The following SCP2 variants were observed in gnomAD, a reference collection of about 807,000 sequenced individuals.
SCP2 encodes the protein sterol carrier protein 2.
Under a neutral mutation model 71.4 loss-of-function variants are expected in SCP2, and 48 were observed. That is an observed-to-expected ratio of 0.67 (90% CI 0.53 to 0.86). The LOEUF (loss-of-function observed/expected upper bound fraction) is 0.86. SCP2 is among the 40% of genes least tolerant of loss of function. The probability of loss-of-function intolerance (pLI) is 0.00; values close to 1 mark genes in which losing one functional copy is unlikely to be tolerated. For synonymous variants in SCP2, 220 were observed against 218.1 expected (o/e 1.01, Z -0.08); for missense variants, 560 against 655.6 (o/e 0.85, Z 1.59).
chr1:53,016,636 A>G (rs1444235036), intron 12 of SCP2, among the ~76,000 whole-genome samples: 1 of 150,322 alleles, frequency 6.7e-6, no homozygotes, highest in African/African-American at 2.5e-5. Flanking sequence ...AAGTCTGTAC[A>G]ATAGGTATAG....
intron 14 of SCP2, 33 bp downstream of exon 14, chr1:53,039,079 C>A (rs1436256255): frequency 6.2e-7 from 1 of 1,613,610 alleles, no homozygotes; most frequent in East Asian, 2.2e-5. Context: ...TCTAGGAGCA[C>A]TGACGAGTTT....
chr1:53,038,809 T>C, intron 13 of SCP2, 108 bp from the exon 14 acceptor site: 1 of 1,422,952 alleles, frequency 7.0e-7, no homozygotes, highest in South Asian at 1.2e-5. Flanking sequence ...TGGGGACCGC[T>C]CCCTGGCCCG....
chr1:53,048,253 T>G, intron 15 of SCP2: 3 of 366,706 alleles, frequency 8.2e-6, no homozygotes, highest in Non-Finnish European at 1.6e-5. Context: ...GCCATATCTC[T>G]CTGGGCCATC....
At chr1:52,934,154 C>A (rs188965384) in intron 1 of SCP2, among the ~76,000 whole-genome samples, 1 of 152,152 alleles carries the variant, frequency 6.6e-6, no homozygotes, top group South Asian at 2.1e-4. Flanking sequence ...TTAATTCATA[C>A]TTGAGTATTT....
intron 1 of SCP2, among the ~76,000 whole-genome samples, chr1:52,935,677 C>A (rs1035707907): frequency 1.4e-4 from 22 of 151,910 alleles, no homozygotes; most frequent in African/African-American, 5.3e-4. Context: ...GTGGCTCATG[C>A]CTGTAATCCC....
rs1428740315 is a variant in SCP2, at chr1:53,051,568, T to C, written c.*864T>C. The C allele has an allele frequency of 6.6e-6, 1 of 152,244 alleles. No homozygotes were observed. Among genetic ancestry groups the C allele is most frequent in the Non-Finnish European group, 1.5e-5 (1 of 68,040 alleles). The allele number at this position is 152,244 out of a possible 1,614,324, so 9.4% of individuals were successfully genotyped here. On this transcript the variant is annotated 3_prime_UTR_variant, in exon 16 of 16. Coordinates refer to ENST00000371514, the MANE Select transcript of SCP2 (RefSeq NM_002979.5). Reference sequence around the variant, plus strand: ...TGAGATATAGGATAAAATAATGCTTTGAGAAGAATGTTTAATAGAAAATTA... The same window carrying C: ...TGAGATATAGGATAAAATAATGCTTCGAGAAGAATGTTTAATAGAAAATTA...
chr1:52,996,529 A>G (rs188498635), intron 11 of SCP2, among the ~76,000 whole-genome samples: 2 of 152,212 alleles, frequency 1.3e-5, no homozygotes, highest in East Asian at 1.9e-4. Context: ...TCTATTTTCC[A>G]TTTCTCAGCT....
At chr1:53,006,279 C>T (rs570564746) in intron 11 of SCP2, among the ~76,000 whole-genome samples, 44 of 152,030 alleles carry the variant, frequency 2.9e-4, no homozygotes, top group African/African-American at 6.8e-4. Flanking sequence ...ATACATAGAA[C>T]GCCACAAAGA....
At chr1:52,939,736 T>C (rs987606608) in intron 1 of SCP2, among the ~76,000 whole-genome samples, 3 of 152,214 alleles carry the variant, frequency 2.0e-5, no homozygotes, top group African/African-American at 7.2e-5. Context: ...TGGAGTGCAA[T>C]GGCACAATCT....
chr1:52,933,287 G>A (rs954932898), intron 1 of SCP2, among the ~76,000 whole-genome samples: 5 of 152,118 alleles, frequency 3.3e-5, no homozygotes, highest in Non-Finnish European at 5.9e-5. Context: ...AGTAATTGCA[G>A]TTGATTAAAA....
At chr1:53,005,972 T>C (rs1273180273) in intron 11 of SCP2, among the ~76,000 whole-genome samples, 1 of 152,034 alleles carries the variant, frequency 6.6e-6, no homozygotes, top group East Asian at 1.9e-4. Flanking sequence ...ACAAGAACTA[T>C]GTGACACATG....
intron 14 of SCP2, among the ~76,000 whole-genome samples, chr1:53,041,866 G>C (rs1663462759): frequency 6.6e-6 from 1 of 152,186 alleles, no homozygotes; most frequent in Non-Finnish European, 1.5e-5. Flanking sequence ...GGGGTGGATG[G>C]AAACTTCTTT....
At chr1:52,981,459 C>G (rs916116302) in intron 10 of SCP2, among the ~76,000 whole-genome samples, 6 of 147,634 alleles carry the variant, frequency 4.1e-5, no homozygotes, top group Non-Finnish European at 7.4e-5. Context: ...TTTTTTGAGA[C>G]AGAGTCTCGC....
chr1:52,984,027 T>C (rs4288541), intron 10 of SCP2, among the ~76,000 whole-genome samples: 47,158 of 152,132 alleles, frequency 0.31, 12,047 homozygotes, highest in African/African-American at 0.7. Flanking sequence ...GCTCTCTAAA[T>C]GTATGCCTAC....
chr1:52,944,192 C>T (rs1654553184), intron 2 of SCP2, among the ~76,000 whole-genome samples: 1 of 152,190 alleles, frequency 6.6e-6, no homozygotes, highest in Non-Finnish European at 1.5e-5. Flanking sequence ...AACTCAATTC[C>T]TGCTACGTTG....
chr1:52,999,812 C>CTTTTTTTTTTTTTTT (rs1557598899), intron 11 of SCP2, among the ~76,000 whole-genome samples: 1 of 119,962 alleles, frequency 8.3e-6, no homozygotes, highest in East Asian at 3.2e-4. Flanking sequence ...TTACTGAACA[C>CTTTTTTTTTTTTTTT]TTGTTTTTTT....
chr1:53,006,753 T>C (rs1312336083), intron 11 of SCP2, among the ~76,000 whole-genome samples: 1 of 125,348 alleles, frequency 8.0e-6, no homozygotes, highest in African/African-American at 5.1e-5. Context: ...AACATCATAA[T>C]GACCAGGATC....
At chr1:53,038,225 ATATATATGTCATT>A (rs1196692590) in intron 13 of SCP2, among the ~76,000 whole-genome samples, 6 of 136,658 alleles carry the variant, frequency 4.4e-5, no homozygotes, top group Non-Finnish European at 9.0e-5. Flanking sequence ...ATACGCTTAT[ATATATATGTCATT>A]TATATATGTG....
intron 11 of SCP2, chr1:52,993,190 G>A (rs1659649103): frequency 6.2e-7 from 1 of 1,613,704 alleles, no homozygotes; most frequent in Non-Finnish European, 8.5e-7. Flanking sequence ...TAAAACTGAA[G>A]GGATTCTAGA....
Sources: allele counts gnomAD v4.1 joint callset (sites outside exome capture counted in the v4.1 genomes callset), GRCh38; gene constraint gnomAD v4.1.1; transcripts MANE v1.5; gene names NCBI Gene and HGNC (gene_info 2026-07-23, HGNC 2026-07-21).